Variants in SEMA6D observed in about 807,000 individuals in gnomAD.
SEMA6D encodes the protein semaphorin 6D.
SEMA6D carries 35 observed loss-of-function variants against 106.6 expected under a neutral mutation model. The observed-to-expected ratio is 0.33, with a 90% CI of 0.25 to 0.44. SEMA6D has a LOEUF of 0.44. Among genes scored for constraint, SEMA6D ranks in the 20% least tolerant of loss-of-function variants. The pLI is 1.00. For missense variants in SEMA6D, 1,185 were observed against 1,345.9 expected (o/e 0.88, Z 1.87); for synonymous variants, 499 against 487.7 (o/e 1.02, Z -0.31).
intron 1 of SEMA6D, among the ~76,000 whole-genome samples, chr15:47,229,582 A>C (rs2032043815): frequency 6.7e-6 from 1 of 149,936 alleles, no homozygotes; most frequent in African/African-American, 2.4e-5. Context: ...TCCAGACTCT[A>C]TACTTTATAT....
chr15:47,717,184 G>A (rs1485969191), upstream of SEMA6D: 1 of 152,306 alleles, frequency 6.6e-6, no homozygotes, highest in Non-Finnish European at 1.5e-5. Flanking sequence ...GGAGTTGCTA[G>A]AAGGAGCAGC....
At chr15:47,747,173 A>C (rs899331746) in intron 1 of SEMA6D, among the ~76,000 whole-genome samples, 2 of 151,958 alleles carry the variant, frequency 1.3e-5, no homozygotes, top group Non-Finnish European at 1.5e-5. Flanking sequence ...GTTAATGAGG[A>C]TTGTTTCTAG....
chr15:47,393,755 CTT>C (rs962895296), intron 1 of SEMA6D, among the ~76,000 whole-genome samples: 1 of 152,140 alleles, frequency 6.6e-6, no homozygotes, highest in African/African-American at 2.4e-5. Flanking sequence ...TATCTTAACT[CTT>C]TACTCATAAA....
chr15:47,640,044 G>A (rs1324192392), intron 4 of SEMA6D, among the ~76,000 whole-genome samples: 1 of 152,168 alleles, frequency 6.6e-6, no homozygotes, highest in African/African-American at 2.4e-5. Context: ...ATGTATCATA[G>A]TAATGTAGGA....
At chr15:47,390,898 C>T (rs12901436) in intron 1 of SEMA6D, among the ~76,000 whole-genome samples, 1 of 151,956 alleles carries the variant, frequency 6.6e-6, no homozygotes, top group Non-Finnish European at 1.5e-5. Flanking sequence ...AATTAATAAC[C>T]GAGAAGCAGG....
chr15:47,295,566 G>A (rs556439124), intron 1 of SEMA6D, among the ~76,000 whole-genome samples: 2 of 152,212 alleles, frequency 1.3e-5, no homozygotes, highest in Non-Finnish European at 2.9e-5. Flanking sequence ...TAACCACTGT[G>A]TGTGAAGGAG....
chr15:47,718,717 TGTTAC>T (rs1223590757), intron 1 of SEMA6D: 1 of 152,236 alleles, frequency 6.6e-6, no homozygotes, highest in Non-Finnish European at 1.5e-5. Flanking sequence ...TGCTGAGATG[TGTTAC>T]GTTCTCATCT....
At chr15:47,573,239 T>C (rs568405640) in intron 3 of SEMA6D, among the ~76,000 whole-genome samples, 7 of 152,218 alleles carry the variant, frequency 4.6e-5, no homozygotes, top group Non-Finnish European at 8.8e-5. Context: ...ACAAAGTACT[T>C]AATTAAAAAC....
chr15:47,233,081 T>C (rs2032312682), intron 1 of SEMA6D, among the ~76,000 whole-genome samples: 1 of 152,074 alleles, frequency 6.6e-6, no homozygotes, highest in Non-Finnish European at 1.5e-5. Flanking sequence ...TCTCAGCTTT[T>C]GCATTTAGGT....
intron 1 of SEMA6D, among the ~76,000 whole-genome samples, chr15:47,401,530 G>A (rs1023119047): frequency 6.6e-6 from 1 of 152,162 alleles, no homozygotes; most frequent in Non-Finnish European, 1.5e-5. Context: ...GTTACAATGC[G>A]TAACCCCTCT....
chr15:47,204,370 A>T (rs1894914775), intron 1 of SEMA6D, among the ~76,000 whole-genome samples: 1 of 152,198 alleles, frequency 6.6e-6, no homozygotes, highest in African/African-American at 2.4e-5. Context: ...TGTGTGGAAG[A>T]TCATTAATGA....
rs1053439312 is a variant in SEMA6D, at chr15:47,399,059, T to C, written c.-238-13334T>C. 3.9e-5 allele frequency among the ~76,000 whole-genome samples: 6 copies of C among 152,334 alleles called. No individual in the cohort carries two copies. The South Asian group carries it at 6.2e-4, about 16-fold the overall frequency. On this transcript the variant is annotated intron_variant, in intron 1 of 19. Coordinates refer to the SEMA6D transcript ENST00000558014. ...GCCCAGCACTTTCACGTAAATTCTT[T>C]ACATGAGAATAGTTTACAAATTCAC...
chr15:47,715,976 A>C (rs541534322), upstream of SEMA6D, among the ~76,000 whole-genome samples: 1 of 152,218 alleles, frequency 6.6e-6, no homozygotes, highest in African/African-American at 2.4e-5. Flanking sequence ...GGACGCCAGG[A>C]AACAGGCACA....
chr15:47,378,800 A>G (rs937138192), intron 1 of SEMA6D, among the ~76,000 whole-genome samples: 1 of 152,196 alleles, frequency 6.6e-6, no homozygotes, highest in Non-Finnish European at 1.5e-5. Flanking sequence ...ATATCACACA[A>G]TTTAATAAAT....
At chr15:47,318,522 G>T (rs1319657182) in intron 1 of SEMA6D, among the ~76,000 whole-genome samples, 1 of 147,774 alleles carries the variant, frequency 6.8e-6, no homozygotes, top group African/African-American at 2.5e-5. Context: ...GCGATGTTTG[G>T]TTTTTTGTTC....
intron 1 of SEMA6D, among the ~76,000 whole-genome samples, chr15:47,227,569 TCACACA>T (rs1555407289): frequency 1.6e-4 from 21 of 127,958 alleles, no homozygotes; most frequent in Non-Finnish European, 3.0e-4. Context: ...TCTCTCTCTC[TCACACA>T]CACACACACA....
chr15:47,295,943 C>T (rs1295458736), intron 1 of SEMA6D, among the ~76,000 whole-genome samples: 1 of 152,160 alleles, frequency 6.6e-6, no homozygotes, highest in Non-Finnish European at 1.5e-5. Context: ...AGTGCTGCCT[C>T]CATGACTAGC....
chr15:47,547,410 A>G, intron 3 of SEMA6D, among the ~76,000 whole-genome samples: 1 of 152,178 alleles, frequency 6.6e-6, no homozygotes, highest in East Asian at 1.9e-4. Flanking sequence ...CCTACTGCAG[A>G]ATAAAATGTC....
At chr15:47,243,042 C>T (rs940838750) in intron 1 of SEMA6D, among the ~76,000 whole-genome samples, 1 of 152,106 alleles carries the variant, frequency 6.6e-6, no homozygotes, top group Admixed American at 6.6e-5. Context: ...GAAACACACA[C>T]AATCACTTAT....
Sources: gnomAD v4.1 joint callset for allele counts (sites outside exome capture counted in the v4.1 genomes callset) on GRCh38, gnomAD v4.1.1 for gene constraint, MANE v1.5 for transcripts, NCBI Gene and HGNC (gene_info 2026-07-23, HGNC 2026-07-21) for gene names.